FAM178B: variants seen among roughly 807,000 people sequenced by gnomAD.
FAM178B encodes family with sequence similarity 178 member B, also known as protein FAM178B.
A neutral mutation model predicts 91.7 loss-of-function variants in FAM178B; 82 were observed. The ratio of observed to expected loss-of-function variants is 0.89; its 90% confidence interval spans 0.75 to 1.07. The LOEUF is 1.07. Among genes scored for constraint, FAM178B ranks in the 50% least tolerant of loss-of-function variants. The pLI, the probability that FAM178B is intolerant of heterozygous loss-of-function variation, is 0.00. For synonymous variants in FAM178B, 368 were observed against 359.4 expected (o/e 1.02, Z -0.27); for missense variants, 769 against 846.7 (o/e 0.91, Z 1.14).
chr2:96,953,289 C>T (rs1457238583), intron 6 of FAM178B, among the ~76,000 whole-genome samples: 5 of 152,186 alleles, frequency 3.3e-5, no homozygotes, highest in Admixed American at 6.5e-5. Flanking sequence ...CACAGCAGCC[C>T]GAACGCAGAC....
intron 14 of FAM178B, among the ~76,000 whole-genome samples, chr2:96,885,935 C>A (rs116347249): frequency 0.034 from 5,192 of 150,896 alleles, 111 homozygotes; most frequent in Middle Eastern, 0.1. Context: ...TGGAGGGGGT[C>A]ACTGACACCA....
At chr2:96,896,147 T>TTTG (rs2080818868) in intron 13 of FAM178B, among the ~76,000 whole-genome samples, 1 of 152,328 alleles carries the variant, frequency 6.6e-6, no homozygotes, top group South Asian at 2.1e-4. Flanking sequence ...ACCCCCAGCG[T>TTTG]GGCCTTTGGG....
At chr2:96,919,263 G>T (rs2081293209) in intron 12 of FAM178B, among the ~76,000 whole-genome samples, 1 of 152,200 alleles carries the variant, frequency 6.6e-6, no homozygotes, top group African/African-American at 2.4e-5. Flanking sequence ...TGGAGCAAAT[G>T]AGAAACTGGC....
At chr2:96,978,781 C>T (rs772808475) in intron 1 of FAM178B, among the ~76,000 whole-genome samples, 94 of 151,816 alleles carry the variant, frequency 6.2e-4, no homozygotes, top group South Asian at 2.1e-3. Context: ...CCCGCCACCA[C>T]GCCCGGCTAA....
At chr2:96,911,371 A>C (rs1370143220) in intron 12 of FAM178B, among the ~76,000 whole-genome samples, 1 of 152,234 alleles carries the variant, frequency 6.6e-6, no homozygotes, top group African/African-American at 2.4e-5. Flanking sequence ...CTCCAGGAGG[A>C]GACAGATGCG....
At position 96,947,722 on chromosome 2, in the gene FAM178B, C is replaced by T. The variant is rs900614606; in HGVS notation, c.1078+96G>A. 59 of 695,762 alleles carry T rather than the reference C, an allele frequency of 8.5e-5. No homozygotes were observed. In the African/African-American group the frequency reaches 9.8e-4, roughly 12 times the overall value. The allele number at this position is 695,762 out of a possible 1,614,324, so 43.1% of individuals were successfully genotyped here. On this transcript the variant is annotated intron_variant, in intron 8 of 16. Transcript: ENST00000490605. ...CACCCTGGATGCAATGTCCCACCAG[C>T]ATCTCGCCTGCAGCTGGGCTCTGGG... is the stretch of plus-strand genomic sequence containing the variant.
chr2:96,906,628 C>T (rs148187082), intron 12 of FAM178B, among the ~76,000 whole-genome samples: 6 of 152,316 alleles, frequency 3.9e-5, no homozygotes, highest in Admixed American at 1.3e-4. Flanking sequence ...CATGGGATAA[C>T]TAACAGAAGC....
At chr2:96,935,119 G>A (rs974916029) in intron 8 of FAM178B, among the ~76,000 whole-genome samples, 1 of 152,124 alleles carries the variant, frequency 6.6e-6, no homozygotes, top group East Asian at 1.9e-4. Flanking sequence ...ACTCATATCT[G>A]CTAGAATTAG....
At position 96,950,941 on chromosome 2, in the gene FAM178B, T is replaced by TG. The variant is rs144141219; in HGVS notation, c.993+437dup. ...CGTGGGCCCTGAACGGCCCTCCCGCTGCGTATGGGATGAGGGACCTGTGAT... is the reference window on the plus strand; with the variant it reads ...CGTGGGCCCTGAACGGCCCTCCCGCTGGCGTATGGGATGAGGGACCTGTGAT... On this transcript the variant is annotated intron_variant, in intron 7 of 16. Transcript: ENST00000490605. Among the ~76,000 whole-genome samples the TG allele has an allele frequency of 1.5e-4, 23 of 152,206 alleles. 1 individual carries two copies. In the East Asian group the frequency reaches 4.3e-3, roughly 28 times the overall value.
At chr2:96,920,508 G>A (rs1425641949) in intron 12 of FAM178B, among the ~76,000 whole-genome samples, 1 of 152,130 alleles carries the variant, frequency 6.6e-6, no homozygotes, top group African/African-American at 2.4e-5. Context: ...GCTGAGGCAG[G>A]AGTATGGCGT....
chr2:96,983,790 G>A (rs113171301), intron 1 of FAM178B, among the ~76,000 whole-genome samples: 1,786 of 152,230 alleles, frequency 0.012, 14 homozygotes, highest in Non-Finnish European at 0.017. Context: ...AATCATCCAC[G>A]AACTACTGCT....
intron 12 of FAM178B, among the ~76,000 whole-genome samples, chr2:96,909,788 G>A (rs1387857900): frequency 1.3e-5 from 2 of 152,072 alleles, no homozygotes; most frequent in Admixed American, 1.3e-4. Context: ...GGGATCTTCG[G>A]TCTGCTGTCA....
At chr2:96,900,571 G>A (rs528255413) in intron 13 of FAM178B, among the ~76,000 whole-genome samples, 1 of 152,254 alleles carries the variant, frequency 6.6e-6, no homozygotes, top group South Asian at 2.1e-4. Context: ...AGATCAGGGG[G>A]TGGCCACCAG....
intron 12 of FAM178B, among the ~76,000 whole-genome samples, chr2:96,918,071 A>G (rs2081271047): frequency 1.3e-5 from 2 of 152,090 alleles, no homozygotes; most frequent in Admixed American, 1.3e-4. Flanking sequence ...TTCCACATGG[A>G]AAGATTACAT....
chr2:96,892,006 C>T (rs1461615178), intron 14 of FAM178B, among the ~76,000 whole-genome samples: 1 of 152,232 alleles, frequency 6.6e-6, no homozygotes, highest in Non-Finnish European at 1.5e-5. Context: ...GGATGAAAGG[C>T]TCAGCCACGG....
chr2:96,926,499 G>A (rs2153371356), intron 9 of FAM178B, among the ~76,000 whole-genome samples: 1 of 152,286 alleles, frequency 6.6e-6, no homozygotes, highest in South Asian at 2.1e-4. Flanking sequence ...GGAGATGGGG[G>A]CACCTGGCAA....
In FAM178B at chr2:96,952,304, A is replaced by G. The variant is rs1169910794; in HGVS notation, c.888-820T>C. On this transcript the variant is annotated intron_variant, in intron 6 of 16. Transcript: ENST00000490605. ...AAATAACAGAAAGGGGCCCGGGATG[A>G]AGACATTCTGGGAAGGAAATACCAA... Among the ~76,000 whole-genome samples, 13 of 152,346 alleles carry G rather than the reference A, an allele frequency of 8.5e-5. No homozygotes were observed. In the East Asian group the frequency reaches 1.5e-3, roughly 18 times the overall value.
chr2:96,963,054 A>G (rs530515354), intron 5 of FAM178B, among the ~76,000 whole-genome samples: 90 of 152,340 alleles, frequency 5.9e-4, no homozygotes, highest in Middle Eastern at 3.4e-3. Context: ...TCAAAGCACC[A>G]CTAGAAAACG....
chr2:96,907,763 G>A (rs759765687), intron 12 of FAM178B, among the ~76,000 whole-genome samples: 4 of 152,356 alleles, frequency 2.6e-5, no homozygotes, highest in South Asian at 4.1e-4. Context: ...CACCAACCAC[G>A]TGGGCTGCTG....
Sources: gnomAD v4.1 joint callset for allele counts (sites outside exome capture counted in the v4.1 genomes callset) on GRCh38, gnomAD v4.1.1 for gene constraint, MANE v1.5 for transcripts, NCBI Gene and HGNC (gene_info 2026-07-23, HGNC 2026-07-21) for gene names.